SNX29: variants seen among roughly 807,000 people sequenced by gnomAD.
SNX29 encodes sorting nexin-29.
A neutral mutation model predicts 102.1 loss-of-function variants in SNX29; 78 were observed. That is an observed-to-expected ratio of 0.76 (90% CI 0.64 to 0.92). The LOEUF (loss-of-function observed/expected upper bound fraction) is 0.92. Among genes scored for constraint, SNX29 ranks in the 40% least tolerant of loss-of-function variants. The pLI is 0.00. For missense variants in SNX29, 1,280 were observed against 1,061.7 expected (o/e 1.21, Z -2.86); for synonymous variants, 580 against 414.5 (o/e 1.40, Z -4.85).
At chr16:12,363,233 A>G (rs952776078) in intron 16 of SNX29, among the ~76,000 whole-genome samples, 3 of 152,214 alleles carry the variant, frequency 2.0e-5, no homozygotes, top group African/African-American at 7.2e-5. Flanking sequence ...TCAGAGTCAG[A>G]CAGCCAGGGC....
intron 10 of SNX29, among the ~76,000 whole-genome samples, chr16:12,074,790 T>C (rs1291826241): frequency 6.6e-6 from 1 of 152,238 alleles, no homozygotes; most frequent in Non-Finnish European, 1.5e-5. Context: ...TCCCCGTCAC[T>C]TTCAGGTACA....
chr16:12,066,893 T>C (rs2051063330), intron 9 of SNX29, among the ~76,000 whole-genome samples: 1 of 151,726 alleles, frequency 6.6e-6, no homozygotes, highest in Non-Finnish European at 1.5e-5. Flanking sequence ...TGCGTTAAGA[T>C]GTAACATTCG....
chr16:12,514,969 C>T (rs1024897280), intron 19 of SNX29, among the ~76,000 whole-genome samples: 15 of 151,976 alleles, frequency 9.9e-5, no homozygotes, highest in Non-Finnish European at 2.2e-4. Flanking sequence ...GCCCCTCTCT[C>T]GATGGGCTGC....
chr16:12,542,662 G>T (rs1189021983), intron 20 of SNX29, among the ~76,000 whole-genome samples: 1 of 152,208 alleles, frequency 6.6e-6, no homozygotes, highest in African/African-American at 2.4e-5. Context: ...GTGTTTGAAG[G>T]CAGCGTGTTG....
intron 20 of SNX29, among the ~76,000 whole-genome samples, chr16:12,539,120 A>G (rs1597821420): frequency 2.0e-5 from 3 of 152,180 alleles, no homozygotes; most frequent in East Asian, 3.8e-4. Flanking sequence ...ACTTTCACAA[A>G]AAATTTTTAA....
intron 20 of SNX29, chr16:12,546,757 A>T (rs1047427455): frequency 7.5e-6 from 1 of 133,994 alleles, no homozygotes; most frequent in African/African-American, 3.1e-5. Flanking sequence ...TAGACATTTA[A>T]ACAGCTACCT....
At chr16:12,237,183 G>A (rs575235438) in intron 14 of SNX29, among the ~76,000 whole-genome samples, 1 of 152,190 alleles carries the variant, frequency 6.6e-6, no homozygotes, top group Non-Finnish European at 1.5e-5. Context: ...AGGGTGCGAA[G>A]CTCTGTCCAC....
In SNX29 at chr16:12,524,812, G is replaced by C; in HGVS notation, c.2289G>C (p.Glu763Asp). ...AGTTCGCTGCCAGCCCCAAGAAGGA[G>C]ACCCTCATCCAGCTGATGCCCTTCT... Reference protein sequence around the residue: ...VPEFAASPKKETLIQLMPFFV... With the variant: ...VPEFAASPKKDTLIQLMPFFV... The change falls in exon 20 of 21, where the codon GAG becomes GAC. Residue 763 changes from glutamate (E) to aspartate (D), a missense_variant. Physicochemically the swap from Glu to Asp is conservative, Grantham distance 45. Coordinates refer to ENST00000566228, the MANE Select transcript of SNX29 (RefSeq NM_032167.5). 1 of 1,613,642 alleles carries C rather than the reference G, an allele frequency of 6.2e-7. No individual in the cohort carries two copies. The highest frequency in any genetic ancestry group is 8.5e-7 in the Non-Finnish European group (1 of 1,179,738).
At chr16:12,535,242 G>A (rs112379472) in intron 20 of SNX29, among the ~76,000 whole-genome samples, 8 of 152,290 alleles carry the variant, frequency 5.3e-5, no homozygotes, top group South Asian at 2.1e-4. Context: ...GGGCTCAAGC[G>A]ACTTTTGTGC....
chr16:12,243,681 A>C (rs2078177857), intron 14 of SNX29, among the ~76,000 whole-genome samples: 1 of 152,130 alleles, frequency 6.6e-6, no homozygotes, highest in African/African-American at 2.4e-5. Flanking sequence ...ATTGGGCTTC[A>C]GGTCCATCCA....
rs1229242027 is a variant in SNX29 at position 12,571,910 on chromosome 16, A to C, written c.*3281A>C. 7 of 1,061,726 alleles carry C rather than the reference A, an allele frequency of 6.6e-6. No individual in the cohort carries two copies. The highest frequency in any genetic ancestry group is 1.6e-5 in the African/African-American group (1 of 60,816). The allele number at this position is 1,061,726 out of a possible 1,614,324, so 65.8% of individuals were successfully genotyped here. On this transcript the variant is annotated 3_prime_UTR_variant, in exon 21 of 21. Transcript: ENST00000566228. ...GGTTCAAAGCCCCCTGCATTTCTCT[A>C]CTGGCAGGCCCTGGTGAAGGAAGAC...
At chr16:12,329,396 T>A (rs2081228466) in intron 15 of SNX29, among the ~76,000 whole-genome samples, 1 of 152,008 alleles carries the variant, frequency 6.6e-6, no homozygotes, top group Non-Finnish European at 1.5e-5. Flanking sequence ...AGCAGCTGTG[T>A]CCAGTTGAAC....
chr16:12,332,605 G>C (rs554029738), intron 15 of SNX29, among the ~76,000 whole-genome samples: 1 of 152,272 alleles, frequency 6.6e-6, no homozygotes, highest in South Asian at 2.1e-4. Context: ...CTCCCCCGAG[G>C]TCCATGGGCA....
chr16:12,395,278 A>G (rs1451050478), intron 16 of SNX29, among the ~76,000 whole-genome samples: 2 of 152,168 alleles, frequency 1.3e-5, no homozygotes, highest in East Asian at 3.9e-4. Context: ...GAGTTTCATG[A>G]CTAGGGAGAA....
chr16:12,568,529 C>G lies in SNX29; in HGVS notation c.2342C>G (p.Pro781Arg), dbSNP rs532097645. Residue 781 changes from proline to arginine, a missense_variant, in exon 21 of 21, where the codon CCT becomes CGT. By Grantham distance (103) the Pro-to-Arg change is moderately radical. Transcript: ENST00000566228. ...FFVDITPPGE[P>R]VNSRPKAASR... ...AGCGACATCACCCCGCCCGGAGAGC[C>G]TGTGAACAGCCGGCCCAAAGCAGCT... is the stretch of plus-strand genomic sequence containing the variant. 6.5e-5 allele frequency: 105 copies of G among 1,609,986 alleles called. No homozygotes were observed. In the South Asian group the frequency reaches 1.0e-3, roughly 16 times the overall value.
chr16:12,570,810 C>G lies in SNX29; in HGVS notation c.*2181C>G, dbSNP rs772195798. Reference sequence around the variant, plus strand: ...GTCCCCCATTGCTGAGAGATACTAACCCGTGAGAAACAAGTATGCTCTCAG... The same window carrying G: ...GTCCCCCATTGCTGAGAGATACTAAGCCGTGAGAAACAAGTATGCTCTCAG... On this transcript the variant is annotated 3_prime_UTR_variant, in exon 21 of 21. Transcript: ENST00000566228. 8.6e-5 allele frequency: 20 copies of G among 232,336 alleles called. No individual in the cohort carries two copies. Among genetic ancestry groups the G allele is most frequent in the African/African-American group, 4.2e-4 (19 of 45,252 alleles). 14.4% of individuals were successfully genotyped at this position (232,336 alleles called of 1,614,324 possible).
At chr16:12,567,801 A>C (rs2079074043) in intron 20 of SNX29, among the ~76,000 whole-genome samples, 1 of 152,124 alleles carries the variant, frequency 6.6e-6, no homozygotes, top group South Asian at 2.1e-4. Context: ...ACATCACAGG[A>C]CTTCCTGCTG....
At chr16:12,390,641 A>G (rs6498289) in intron 16 of SNX29, among the ~76,000 whole-genome samples, 79,986 of 151,996 alleles carry the variant, frequency 0.53, 22,078 homozygotes, top group Non-Finnish European at 0.61. Context: ...GCCAAACCCC[A>G]AAACCACCAT....
At chr16:12,326,900 C>T (rs2081137307) in intron 15 of SNX29, among the ~76,000 whole-genome samples, 1 of 152,096 alleles carries the variant, frequency 6.6e-6, no homozygotes, top group South Asian at 2.1e-4. Context: ...TTACTGTGGG[C>T]CAAGGTCCGA....
Sources: gnomAD v4.1 joint callset for allele counts (sites outside exome capture counted in the v4.1 genomes callset) on GRCh38, gnomAD v4.1.1 for gene constraint, MANE v1.5 for transcripts, NCBI Gene and HGNC (gene_info 2026-07-23, HGNC 2026-07-21) for gene names.